PIH1D2: variants seen among roughly 807,000 people sequenced by gnomAD.
PIH1D2 encodes the protein PIH1 domain-containing protein 2.
In PIH1D2, 25 loss-of-function variants were observed where a neutral mutation model predicts 31.2. The ratio of observed to expected loss-of-function variants is 0.80; its 90% CI spans 0.58 to 1.12. The LOEUF is 1.12. PIH1D2 is among the 50% of genes most tolerant of loss of function. The probability of loss-of-function intolerance (pLI) is 0.00; values close to 1 mark genes in which losing one functional copy is unlikely to be tolerated. For synonymous variants in PIH1D2, 116 were observed against 119.9 expected, an observed-to-expected ratio of 0.97 and a Z score of 0.21; for missense variants, 310 against 356.6, an observed-to-expected ratio of 0.87 and a Z score of 1.05.
downstream of PIH1D2, among the ~76,000 whole-genome samples, chr11:112,059,088 G>A (rs1316582319): frequency 2.7e-5 from 4 of 150,190 alleles, no homozygotes; most frequent in South Asian, 4.2e-4. Flanking sequence ...TTACTTTTAC[G>A]TTCTTCTGAG....
chr11:112,055,235 ATTTTTTTTTT>A, the PIH1D2 span, among the ~76,000 whole-genome samples: 10 of 75,444 alleles, frequency 1.3e-4, no homozygotes, highest in African/African-American at 4.2e-4. Flanking sequence ...GTCAAGGCCT[ATTTTTTTTTT>A]TTTTTTTTTT....
intron 2 of PIH1D2, among the ~76,000 whole-genome samples, chr11:112,072,549 CAAAAAAAAAAAAA>C (rs148760956): frequency 4.4e-4 from 16 of 36,342 alleles, no homozygotes; most frequent in Non-Finnish European, 5.8e-4. Flanking sequence ...GACCCTATCT[CAAAAAAAAAAAAA>C]AAAAAAAAAA....
downstream of PIH1D2, chr11:112,061,466 G>T: frequency 2.7e-6 from 1 of 364,530 alleles, no homozygotes; most frequent in Non-Finnish European, 5.0e-6. Flanking sequence ...GGAAATTTGT[G>T]GAATTGTTTA....
At chr11:112,070,968 T>G (rs587603979) in intron 4 of PIH1D2, 70 bp downstream of exon 4, 1 of 1,489,262 alleles carries the variant, frequency 6.7e-7, no homozygotes, top group African/African-American at 1.4e-5. Context: ...ATTTCTAGTT[T>G]GCAAAATGTA....
At chr11:112,073,724 C>G (rs1555185160) in intron 1 of PIH1D2, among the ~76,000 whole-genome samples, 1 of 152,124 alleles carries the variant, frequency 6.6e-6, no homozygotes, top group Non-Finnish European at 1.5e-5. Flanking sequence ...AGGATTATTG[C>G]GAGATTAAGT....
chr11:112,059,943 G>A (rs782324198), downstream of PIH1D2: 1 of 1,613,528 alleles, frequency 6.2e-7, no homozygotes, highest in East Asian at 2.2e-5. Context: ...CAGTACTCCT[G>A]CAGGACTCAT....
At chr11:112,064,768 A>G (rs1301052375), downstream of PIH1D2, among the ~76,000 whole-genome samples, 1 of 152,178 alleles carries the variant, frequency 6.6e-6, no homozygotes, top group Non-Finnish European at 1.5e-5. Context: ...CAAGTCCTGG[A>G]ATACATGGGG....
rs782131649 is a variant in PIH1D2 at position 112,072,978 on chromosome 11, C to G, written c.177+20G>C. Reference sequence around the variant, plus strand: ...CATTTCATTCAAGACCTCCCCATCCCTGGCACCAACTCGACATACCAGAAT... The same window carrying G: ...CATTTCATTCAAGACCTCCCCATCCGTGGCACCAACTCGACATACCAGAAT... On this transcript the variant is annotated intron_variant, in intron 2 of 5. Transcript: ENST00000280350. 3.2e-6 allele frequency: 5 copies of G among 1,577,788 alleles called. No homozygotes were observed. Among genetic ancestry groups the G allele is most frequent in the Non-Finnish European group, 4.3e-6 (5 of 1,156,632 alleles).
chr11:112,065,952 C>T (rs587739838), downstream of PIH1D2, among the ~76,000 whole-genome samples: 15 of 151,726 alleles, frequency 9.9e-5, no homozygotes, highest in South Asian at 1.5e-3. Flanking sequence ...GAGCCAAGAT[C>T]GCGCCACTGC....
rs1566658125 is a variant in PIH1D2, at chr11:112,071,662, T to G, written c.274A>C (p.Lys92Gln). The G allele has an allele frequency of 5.0e-6, 8 of 1,613,794 alleles. No homozygotes were observed. Among genetic ancestry groups the G allele is most frequent in the Non-Finnish European group, 6.8e-6 (8 of 1,179,750 alleles). ...GATATCTCAGTTGTATCTTCTGGTT[T>G]GCCAACAGTTAGAGGTACTGGATGA... ...TTHPVPLTVG[K>Q]PEDTTEISDA... Residue 92 changes from lysine (K) to glutamine (Q), a missense_variant, in exon 3 of 6, where the codon AAA becomes CAA. Lys to Gln is a moderately conservative substitution (Grantham distance 53). Coordinates refer to ENST00000280350, the MANE Select transcript of PIH1D2 (RefSeq NM_138789.4).
At chr11:112,071,893 G>A in intron 2 of PIH1D2, 135 bp from the exon 3 acceptor site, 1 of 846,906 alleles carries the variant, frequency 1.2e-6, no homozygotes, top group Non-Finnish European at 1.8e-6. Context: ...AGGAATTTGA[G>A]ACCAGCCTGG....
chr11:112,057,037 C>G, the PIH1D2 span, among the ~76,000 whole-genome samples: 4 of 152,134 alleles, frequency 2.6e-5, no homozygotes, highest in African/African-American at 9.7e-5. Flanking sequence ...GTATTTCAAA[C>G]TTTATTATTG....
downstream of PIH1D2, chr11:112,062,427 G>C: frequency 6.2e-7 from 1 of 1,612,610 alleles, no homozygotes; most frequent in Non-Finnish European, 8.5e-7. Flanking sequence ...CTAGCATGAT[G>C]TCTGTTACAC....
downstream of PIH1D2, among the ~76,000 whole-genome samples, chr11:112,059,182 A>G (rs1209941847): frequency 6.6e-6 from 1 of 152,098 alleles, no homozygotes; most frequent in African/African-American, 2.4e-5. Context: ...CATCTGCTCA[A>G]ACTACTTGCA....
At chr11:112,069,288 G>A (rs1180080800) in intron 5 of PIH1D2, among the ~76,000 whole-genome samples, 2 of 152,028 alleles carry the variant, frequency 1.3e-5, no homozygotes, top group Non-Finnish European at 2.9e-5. Context: ...ACAGGCATGA[G>A]TCACCGTACC....
In PIH1D2 at chr11:112,069,003, T is replaced by G. The variant is rs587743181; in HGVS notation, c.814-998A>C. ...TTTTGTTTTTTTTTTTTTTTGTTTTTTTTTTTTTGAGGGGAGACAGAGTCT... is the reference window on the plus strand; with the variant it reads ...TTTTGTTTTTTTTTTTTTTTGTTTTGTTTTTTTTGAGGGGAGACAGAGTCT... On this transcript the variant is annotated intron_variant, in intron 5 of 5. Coordinates refer to ENST00000280350, the MANE Select transcript of PIH1D2 (RefSeq NM_138789.4). Among the ~76,000 whole-genome samples, 485 of 142,120 alleles carry G rather than the reference T, an allele frequency of 3.4e-3. 2 individuals are homozygous for G. Among genetic ancestry groups the G allele is most frequent in the African/African-American group, 0.011 (396 of 35,962 alleles). The allele number at this position is 142,120 out of a possible 152,430, so 93.2% of individuals were successfully genotyped here.
At chr11:112,060,792 G>A (rs1864556538), downstream of PIH1D2, among the ~76,000 whole-genome samples, 2 of 152,066 alleles carry the variant, frequency 1.3e-5, no homozygotes, top group Admixed American at 6.5e-5. Flanking sequence ...TTGACACACC[G>A]TTCTGAAAAT....
downstream of PIH1D2, chr11:112,060,058 A>C (rs940082519): frequency 6.2e-7 from 1 of 1,613,626 alleles, no homozygotes; most frequent in African/African-American, 1.3e-5. Context: ...CAGCCACATG[A>C]ATTCCAGGTA....
chr11:112,060,016 C>T, downstream of PIH1D2: 1 of 1,614,032 alleles, frequency 6.2e-7, no homozygotes, highest in Non-Finnish European at 8.5e-7. Context: ...GATGTTGTTT[C>T]TTTAGCAACC....
Sources: gnomAD v4.1 joint callset for allele counts (sites outside exome capture counted in the v4.1 genomes callset) on GRCh38, gnomAD v4.1.1 for gene constraint, MANE v1.5 for transcripts, NCBI Gene and HGNC (gene_info 2026-07-23, HGNC 2026-07-21) for gene names.